Variants in NOP56 observed in about 807,000 individuals in gnomAD.
NOP56 encodes the protein NOP56 ribonucleoprotein.
In NOP56, 31 loss-of-function variants were observed where a neutral mutation model predicts 58.3. That is an observed-to-expected ratio of 0.53 (90% CI 0.40 to 0.72). The LOEUF is 0.72. NOP56 is among the 30% of genes least tolerant of loss of function. The probability of loss-of-function intolerance (pLI) is 0.00; values close to 1 mark genes in which losing one functional copy is unlikely to be tolerated. For synonymous variants in NOP56, 313 were observed against 282.8 expected, an observed-to-expected ratio of 1.11 and a Z score of -1.07; for missense variants, 669 against 739.9, an observed-to-expected ratio of 0.90 and a Z score of 1.11.
At chr20:2,654,717 C>G in intron 4 of NOP56, 32 bp from the exon 5 acceptor site, 1 of 1,612,162 alleles carries the variant, frequency 6.2e-7, no homozygotes, top group Non-Finnish European at 8.5e-7. Flanking sequence ...GCTCAGAGCC[C>G]CTTGTTGCTC....
chr20:2,656,584 GGGCTGGGT>G, intron 9 of NOP56, 35 bp downstream of exon 9: 6 of 1,612,360 alleles, frequency 3.7e-6, no homozygotes, highest in Non-Finnish European at 5.1e-6. Flanking sequence ...GTGTGAGAAG[GGGCTGGGT>G]GGCTGGGTGG....
In NOP56 at chr20:2,655,429, AGGACAAGCT is replaced by A; in HGVS notation, c.678_686del (p.Asp226_Leu228del). ...ATTGGAAACCGAAGGGAACTGAATG[AGGACAAGCT>A]GGAGAAGCTGGAGGAGCTGACAATG... On this transcript the variant is annotated inframe_deletion, in exon 6 of 12. Coordinates refer to ENST00000329276, the MANE Select transcript of NOP56 (RefSeq NM_006392.4). The A allele has an allele frequency of 6.2e-7, 1 of 1,614,182 alleles. No individual in the cohort carries two copies.
In NOP56 at chr20:2,656,444, T is replaced by C; in HGVS notation, c.1054T>C (p.Phe352Leu). Residue 352 changes from phenylalanine to leucine, a missense_variant, in exon 9 of 12, where the codon TTC becomes CTC. Phe to Leu is a conservative substitution (Grantham distance 22). Coordinates refer to ENST00000329276, the MANE Select transcript of NOP56 (RefSeq NM_006392.4). ...TAACACTCCAAAATATGGACTCATT[T>C]TCCACTCCACCTTCATTGGCCGAGC... is the stretch of plus-strand genomic sequence containing the variant. ...RGNTPKYGLIFHSTFIGRAAA... is the reference protein window; with the variant it reads ...RGNTPKYGLILHSTFIGRAAA... 1 of 1,614,196 alleles carries C rather than the reference T, an allele frequency of 6.2e-7. No individual in the cohort carries two copies. The highest frequency in any genetic ancestry group is 8.5e-7 in the Non-Finnish European group (1 of 1,180,030).
intron 9 of NOP56, 37 bp from the exon 10 acceptor site, chr20:2,656,737 T>TC: frequency 1.2e-6 from 2 of 1,614,116 alleles, no homozygotes; most frequent in Non-Finnish European, 1.7e-6. Context: ...AGTTTCTCTC[T>TC]TTGGGCTGAC....
At chr20:2,653,221 C>G (rs1333760852) in intron 2 of NOP56, 58 bp from the exon 3 acceptor site, 4 of 1,384,096 alleles carry the variant, frequency 2.9e-6, no homozygotes, top group Non-Finnish European at 4.1e-6. Flanking sequence ...CGCTGCTTGA[C>G]TGCGCCGCAG....
intron 11 of NOP56, 200 bp downstream of exon 11, chr20:2,657,418 T>A (rs1277146141): frequency 2.5e-6 from 2 of 811,278 alleles, no homozygotes. Context: ...GAGAGCTGGT[T>A]GTAGCTCACA....
At position 2,657,100 on chromosome 20, in the gene NOP56, A is replaced by C. The variant is rs1458717968; in HGVS notation, c.1301A>C (p.Glu434Ala). 4 of 1,614,004 alleles carry C rather than the reference A, an allele frequency of 2.5e-6. No homozygotes were observed. The African/African-American group carries it at 4.0e-5, about 16-fold the overall frequency. Residue 434 changes from glutamate (E) to alanine (A), a missense_variant, in exon 11 of 12, where the codon GAG (glutamate) becomes GCG (alanine). Around this residue, in one of 3 missense-constraint regions of NOP56, gnomAD observed 209 missense variants for 196.2 expected, o/e 1.07. Coordinates refer to ENST00000329276, the MANE Select transcript of NOP56 (RefSeq NM_006392.4). ...AMVQAEEAAA[E>A]ITRKLEKQEK... ...GACCAGGCAGAGGAAGCGGCTGCTGAGATTACTAGGAAGCTGGAGAAACAG... is the reference window on the plus strand; with the variant it reads ...GACCAGGCAGAGGAAGCGGCTGCTGCGATTACTAGGAAGCTGGAGAAACAG...
At chr20:2,654,231 A>G in intron 3 of NOP56, 183 bp from the exon 4 acceptor site, 2 of 782,576 alleles carry the variant, frequency 2.6e-6, no homozygotes, top group Non-Finnish European at 4.6e-6. Flanking sequence ...TGACTTGCGA[A>G]TCAAATCTGT....
rs2086791089 is a variant in NOP56 at position 2,654,422 on chromosome 20, C to G, written c.217C>G (p.His73Asp). 2 of 1,614,116 alleles carry G rather than the reference C, an allele frequency of 1.2e-6. No homozygotes were observed. Among genetic ancestry groups the G allele is most frequent in the Non-Finnish European group, 1.7e-6 (2 of 1,180,016 alleles). ...GTGTTCTTTCCCCTGAGGGGTTGTT[C>G]ATGAGGACCTCCGCCTGCTCTTGGA... ...NANAVSEGVV[H>D]EDLRLLLETH... Residue 73 changes from histidine to aspartate, a missense_variant, in exon 4 of 12, where the codon CAT becomes GAT. Around this residue, in one of 3 missense-constraint regions of NOP56, gnomAD observed 121 missense variants for 113.1 expected, o/e 1.07. Transcript: ENST00000329276.
chr20:2,653,474 C>A, intron 3 of NOP56, 81 bp downstream of exon 3: 2 of 1,161,020 alleles, frequency 1.7e-6, no homozygotes, highest in Non-Finnish European at 2.6e-6. Context: ...TAGTATTTGC[C>A]GTCCTTGGCT....
At chr20:2,653,958 AG>A (rs542802430) in intron 3 of NOP56, 167 of 336,472 alleles carry the variant, frequency 5.0e-4, no homozygotes, top group South Asian at 3.5e-3. Context: ...CGGCCGACAA[AG>A]GGGGGTTTCT....
intron 11 of NOP56, chr20:2,657,703 T>A (rs1196923480): frequency 1.8e-6 from 1 of 570,564 alleles, no homozygotes; most frequent in East Asian, 2.8e-5. Context: ...GTGGGTGTTT[T>A]TTAGGTTTTT....
At chr20:2,657,034 A>G (rs371510078) in intron 10 of NOP56, 47 bp from the exon 11 acceptor site, 1 of 1,614,044 alleles carries the variant, frequency 6.2e-7, no homozygotes, top group African/African-American at 1.3e-5. Context: ...AGGAGTCCTC[A>G]GAGCACCAGA....
rs767917526 is a variant in NOP56, at chr20:2,653,364, C to G, written c.179C>G (p.Ala60Gly). 6.2e-7 allele frequency: 1 copy of G among 1,614,144 alleles called. No homozygotes were observed. The highest frequency in any genetic ancestry group is 8.5e-7 in the Non-Finnish European group (1 of 1,180,016). Residue 60 changes from alanine (A) to glycine (G), a missense_variant, in exon 3 of 12, where the codon GCC becomes GGC. By Grantham distance (60) the Ala-to-Gly change is moderately conservative (BLOSUM62 0). Around this residue, in one of 3 missense-constraint regions of NOP56, gnomAD observed 121 missense variants for 113.1 expected, o/e 1.07. Coordinates refer to ENST00000329276, the MANE Select transcript of NOP56 (RefSeq NM_006392.4). Reference sequence around the variant, plus strand: ...TGTCCCTTTGCCTCATCCCAGGTTGCCTTGGAAAATGCCAACGCCGTGTCT... The same window carrying G: ...TGTCCCTTTGCCTCATCCCAGGTTGGCTTGGAAAATGCCAACGCCGTGTCT... ...AFCPFASSQV[A>G]LENANAVSEG...
chr20:2,654,293 A>G lies in NOP56; in HGVS notation c.209-121A>G, dbSNP rs895057779. On this transcript the variant is annotated intron_variant, in intron 3 of 11. Transcript: ENST00000329276. ...TCTCCATGTCTCTGAGCAATGCCTGATGGGGAGGGATCTAGGTATGCCATC... is the reference window on the plus strand; with the variant it reads ...TCTCCATGTCTCTGAGCAATGCCTGGTGGGGAGGGATCTAGGTATGCCATC... The G allele has an allele frequency of 5.1e-6, 5 of 976,984 alleles. No homozygotes were observed. The African/African-American group carries it at 8.0e-5, about 16-fold the overall frequency. 60.5% of individuals were successfully genotyped at this position (976,984 alleles called of 1,614,324 possible).
rs375732025 is a variant in NOP56 at position 2,652,641 on chromosome 20, C to G, written c.-20C>G. ...GGAGCGCGCTAGCCGCATTGCGAGCCGAACCCGGGAGCTGGCGCCATGGTG... is the reference window on the plus strand; with the variant it reads ...GGAGCGCGCTAGCCGCATTGCGAGCGGAACCCGGGAGCTGGCGCCATGGTG... On this transcript the variant is annotated 5_prime_UTR_variant, in exon 1 of 12. Transcript: ENST00000329276. 1.6e-5 allele frequency: 22 copies of G among 1,411,108 alleles called. No homozygotes were observed. The South Asian group carries it at 1.6e-4, about 10-fold the overall frequency. The allele number at this position is 1,411,108 out of a possible 1,614,324, so 87.4% of individuals were successfully genotyped here. A position where few individuals can be genotyped will look rare whatever the true frequency, so the allele number is the denominator to read the frequency against.
intron 3 of NOP56, 133 bp from the exon 4 acceptor site, chr20:2,654,281 G>A (rs754995264): frequency 1.1e-6 from 1 of 915,286 alleles, no homozygotes. Context: ...CCATGTCTCT[G>A]AGCAATGCCT....
Position 2,655,707 on chromosome 20 carries a change from C to T in NOP56, c.870C>T (p.Ser290=), listed in dbSNP as rs1472546575. The T allele has an allele frequency of 6.2e-7, 1 of 1,614,172 alleles. No individual in the cohort carries two copies. The highest frequency in any genetic ancestry group is 2.2e-5 in the East Asian group (1 of 44,888). Residue 290 remains serine (S), a synonymous_variant, in exon 7 of 12, where the codon AGC becomes AGT. Coordinates refer to ENST00000329276, the MANE Select transcript of NOP56 (RefSeq NM_006392.4). ...SLHTYLRSKM[S]QVAPSLSALI... ...ACACTTACCTGCGCTCCAAGATGAG[C>T]CAAGTAGCCCCCAGCCTGTCAGCCC...
chr20:2,652,672 T>A lies in NOP56; in HGVS notation c.3+9T>A. 2 of 1,449,432 alleles carry A rather than the reference T, an allele frequency of 1.4e-6. No individual in the cohort carries two copies. The highest frequency in any genetic ancestry group is 1.8e-6 in the Non-Finnish European group (2 of 1,109,316). The allele number at this position is 1,449,432 out of a possible 1,614,324, so 89.8% of individuals were successfully genotyped here. On this transcript the variant is annotated intron_variant, in intron 1 of 11. Coordinates refer to ENST00000329276, the MANE Select transcript of NOP56 (RefSeq NM_006392.4). Reference sequence around the variant, plus strand: ...CGGGAGCTGGCGCCATGGTGAGGAGTGGTTGCGGGGCGCGGGCGACGCGAC... The same window carrying A: ...CGGGAGCTGGCGCCATGGTGAGGAGAGGTTGCGGGGCGCGGGCGACGCGAC...
Sources: allele counts gnomAD v4.1 joint callset, GRCh38; gene constraint gnomAD v4.1.1; regional missense constraint gnomAD v4.1.1; transcripts MANE v1.5; gene names NCBI Gene and HGNC (gene_info 2026-07-23, HGNC 2026-07-21).